DNAH11: variants seen among roughly 807,000 people sequenced by gnomAD.
DNAH11 encodes dynein axonemal heavy chain 11.
Under a neutral mutation model 526.0 loss-of-function variants are expected in DNAH11, and 442 were observed. The observed-to-expected ratio is 0.84, with a 90% CI of 0.78 to 0.91. The LOEUF is 0.91. Among genes scored for constraint, DNAH11 ranks in the 40% least tolerant of loss-of-function variants. The pLI is 0.00. For synonymous variants in DNAH11, 2,461 were observed against 1,935.9 expected (o/e 1.27, Z -7.12); for missense variants, 6,989 against 5,448.7 (o/e 1.28, Z -8.90).
At chr7:21,823,339 A>T (rs1377517280) in intron 65 of DNAH11, among the ~76,000 whole-genome samples, 1 of 151,926 alleles carries the variant, frequency 6.6e-6, no homozygotes. Flanking sequence ...TATGTTTTTC[A>T]TACCTGCAGT....
chr7:21,721,146 GC>G, intron 44 of DNAH11, among the ~76,000 whole-genome samples: 1 of 152,228 alleles, frequency 6.6e-6, no homozygotes, highest in African/African-American at 2.4e-5. Flanking sequence ...TCTACAAGAA[GC>G]CCCACTCAGT....
chr7:21,817,999 T>C (rs970513100), intron 64 of DNAH11, among the ~76,000 whole-genome samples: 1 of 152,170 alleles, frequency 6.6e-6, no homozygotes, highest in Non-Finnish European at 1.5e-5. Context: ...TTCAAACTAT[T>C]AAATTTCACT....
chr7:21,567,342 TGATA>T (rs1427114893), intron 6 of DNAH11, among the ~76,000 whole-genome samples: 2 of 152,216 alleles, frequency 1.3e-5, no homozygotes, highest in African/African-American at 4.8e-5. Context: ...ATGAATTTAT[TGATA>T]AAGTTTTTGT....
At chr7:21,787,614 G>A (rs759073510) in intron 60 of DNAH11, 31 bp downstream of exon 60, 9 of 1,557,610 alleles carry the variant, frequency 5.8e-6, no homozygotes, top group African/African-American at 2.7e-5. Flanking sequence ...GTTTACAGAT[G>A]TTCTCCACAA....
chr7:21,852,418 A>AG, intron 66 of DNAH11, 49 bp from the exon 67 acceptor site: 2 of 1,544,068 alleles, frequency 1.3e-6, no homozygotes, highest in Non-Finnish European at 1.7e-6. Flanking sequence ...AAAAAAAAAA[A>AG]AAAAAGTACT....
intron 20 of DNAH11, among the ~76,000 whole-genome samples, chr7:21,607,815 G>A (rs1358172829): frequency 6.6e-6 from 1 of 151,750 alleles, no homozygotes; most frequent in East Asian, 1.9e-4. Context: ...GTGGGTGCCT[G>A]TAGTCCCAAC....
chr7:21,582,512 G>A (rs1784346867), intron 9 of DNAH11, among the ~76,000 whole-genome samples: 1 of 152,148 alleles, frequency 6.6e-6, no homozygotes, highest in African/African-American at 2.4e-5. Flanking sequence ...AAAAAATGCT[G>A]CCAAATAATT....
At chr7:21,709,036 A>G (rs1784369777) in intron 40 of DNAH11, among the ~76,000 whole-genome samples, 2 of 152,224 alleles carry the variant, frequency 1.3e-5, no homozygotes, top group Admixed American at 1.3e-4. Context: ...CAAAAAATTT[A>G]AAACGGAACT....
At position 21,644,772 on chromosome 7, in the gene DNAH11, A is replaced by G. The variant is rs537897110; in HGVS notation, c.4944+5707A>G. ...GCAACTCTGCTTGGCATGACTTATGAATATGTAATATTTTAAATGGATACC... is the reference window on the plus strand; with the variant it reads ...GCAACTCTGCTTGGCATGACTTATGGATATGTAATATTTTAAATGGATACC... On this transcript the variant is annotated intron_variant, in intron 28 of 81. Transcript: ENST00000409508. Among the ~76,000 whole-genome samples, 5 of 152,330 alleles carry G rather than the reference A, an allele frequency of 3.3e-5. No individual in the cohort carries two copies. The East Asian group carries it at 9.6e-4, about 29-fold the overall frequency.
chr7:21,616,423 G>C, intron 22 of DNAH11, 131 bp downstream of exon 22: 1 of 677,652 alleles, frequency 1.5e-6, no homozygotes, highest in Non-Finnish European at 2.4e-6. Context: ...ATAGCAGACA[G>C]TGTTTTTTTC....
rs1396708463 is a variant in DNAH11 at position 21,892,652 on chromosome 7, G to T, written c.12735G>T (p.Gln4245His). ...RNALSGDELG[Q>H]STEEKVKNVL... is the part of the protein sequence containing the mutation. ...CACTCAGTGGTGATGAACTGGGGCA[G>T]TCTACAGAAGAAAAGGTAGAGGGTC... The change falls in exon 77 of 82, where the codon CAG becomes CAT. Residue 4245 changes from glutamine to histidine, a missense_variant. Physicochemically the swap from Gln to His is conservative, Grantham distance 24 (BLOSUM62 0). Coordinates refer to ENST00000409508, the MANE Select transcript of DNAH11 (RefSeq NM_001277115.2). The T allele has an allele frequency of 1.2e-6, 2 of 1,604,852 alleles. No individual in the cohort carries two copies. The highest frequency in any genetic ancestry group is 1.7e-6 in the Non-Finnish European group (2 of 1,175,130).
chr7:21,851,392 C>T (rs1782631219), intron 66 of DNAH11: 1 of 302,206 alleles, frequency 3.3e-6, no homozygotes, highest in South Asian at 3.2e-5. Context: ...TTTAAATTAC[C>T]CAGTCTCAGG....
intron 56 of DNAH11, among the ~76,000 whole-genome samples, chr7:21,776,570 C>G (rs912892171): frequency 2.6e-5 from 4 of 152,172 alleles, no homozygotes; most frequent in Non-Finnish European, 4.4e-5. Flanking sequence ...GCCAAATAAC[C>G]TCTCTCTAGA....
intron 20 of DNAH11, among the ~76,000 whole-genome samples, chr7:21,609,695 A>G (rs1244850562): frequency 6.6e-6 from 1 of 152,246 alleles, no homozygotes; most frequent in African/African-American, 2.4e-5. Context: ...TGTAATTTTT[A>G]ATCTGTTGCG....
Position 21,683,783 on chromosome 7 carries a change from G to C in DNAH11, c.5461-1G>C. 1 of 1,600,356 alleles carries C rather than the reference G, an allele frequency of 6.2e-7. No homozygotes were observed. Among genetic ancestry groups the C allele is most frequent in the Non-Finnish European group, 8.5e-7 (1 of 1,173,040 alleles). On this transcript the variant is annotated splice_acceptor_variant, in intron 31 of 81. Coordinates refer to ENST00000409508, the MANE Select transcript of DNAH11 (RefSeq NM_001277115.2). LOFTEE classifies it high-confidence loss of function. ...GTATGATGATTATGCAATGCCTTTA[G>C]GTTGTCAGTCCCCAAGCTTTTACAT...
chr7:21,840,370 T>C lies in DNAH11; in HGVS notation c.10692-2174T>C, dbSNP rs556122781. 6.4e-4 allele frequency among the ~76,000 whole-genome samples: 97 copies of C among 152,326 alleles called. 1 individual carries two copies. In the South Asian group the frequency reaches 0.014, roughly 22 times the overall value. Reference sequence around the variant, plus strand: ...TTTAAAATAATTTCAATTAAAATAATTGGGCTCTGGCTAATTTTCTATCAT... The same window carrying C: ...TTTAAAATAATTTCAATTAAAATAACTGGGCTCTGGCTAATTTTCTATCAT... On this transcript the variant is annotated intron_variant, in intron 65 of 81. Coordinates refer to ENST00000409508, the MANE Select transcript of DNAH11 (RefSeq NM_001277115.2).
chr7:21,591,685 G>A (rs1007232679), intron 14 of DNAH11, 108 bp downstream of exon 14: 2 of 1,183,938 alleles, frequency 1.7e-6, no homozygotes, highest in African/African-American at 3.0e-5. Context: ...GCCTGAAAGA[G>A]CTTTATGAAT....
At chr7:21,670,983 TATG>T (rs1308105540) in intron 30 of DNAH11, among the ~76,000 whole-genome samples, 1 of 152,162 alleles carries the variant, frequency 6.6e-6, no homozygotes, top group Non-Finnish European at 1.5e-5. Flanking sequence ...TTTCTTTTTC[TATG>T]ATATCTTTGC....
intron 28 of DNAH11, among the ~76,000 whole-genome samples, chr7:21,642,426 G>A (rs1583556380): frequency 6.6e-6 from 1 of 152,106 alleles, no homozygotes; most frequent in Admixed American, 6.6e-5. Context: ...ACTAACTATG[G>A]AATAATTAAT....
Sources: gnomAD v4.1 joint callset for allele counts (sites outside exome capture counted in the v4.1 genomes callset) on GRCh38, gnomAD v4.1.1 for gene constraint, MANE v1.5 for transcripts, NCBI Gene and HGNC (gene_info 2026-07-23, HGNC 2026-07-21) for gene names.